The following NUP88 variants were observed in gnomAD, a reference collection of about 807,000 sequenced individuals.
The protein encoded by NUP88 is nuclear pore complex protein Nup88.
Under a neutral mutation model 93.9 loss-of-function variants are expected in NUP88, and 57 were observed. The ratio of observed to expected loss-of-function variants is 0.61; its 90% confidence interval spans 0.49 to 0.76. The LOEUF (loss-of-function observed/expected upper bound fraction) is 0.76. Ranked by LOEUF, NUP88 falls within the 30% of genes least tolerant of loss-of-function variation. The pLI, the probability that NUP88 is intolerant of heterozygous loss-of-function variation, is 0.00. For synonymous variants in NUP88, 346 were observed against 336.8 expected (o/e 1.03, Z -0.30); for missense variants, 911 against 901.0 (o/e 1.01, Z -0.14).
Position 5,387,669 on chromosome 17 carries a change from C to T in NUP88, c.1771G>A (p.Val591Ile), listed in dbSNP as rs774736593. ...TTTTTTTGGTCACATAATAATTTGACCCTTTAAAAACAAAAAGAAATAGAG... is the reference window on the plus strand; with the variant it reads ...TTTTTTTGGTCACATAATAATTTGATCCTTTAAAAACAAAAAGAAATAGAG... ...DLAKEEIQRR[V>I]KLLCDQKKKQ... is the part of the protein sequence containing the mutation. The change falls in exon 13 of 17, where the codon GTC (valine) becomes ATC (isoleucine). Residue 591 changes from valine to isoleucine, a missense_variant and splice_region_variant. By Grantham distance (29) the Val-to-Ile change is conservative (BLOSUM62 3). Coordinates refer to ENST00000573584, the MANE Select transcript of NUP88 (RefSeq NM_002532.6). The T allele has an allele frequency of 1.2e-5, 20 of 1,611,994 alleles. No individual in the cohort carries two copies. The highest frequency in any genetic ancestry group is 1.5e-5 in the Non-Finnish European group (18 of 1,179,108).
chr17:5,386,375 TAA>T lies in NUP88; in HGVS notation c.2163-108_2163-107del, dbSNP rs1433012462. On this transcript the variant is annotated intron_variant, in intron 16 of 16. Transcript: ENST00000573584. ...TTGAAACATCTAAGAACTGCTTTGCTAAAATTAACAGCTGAAGGTTTCAGGTG... is the reference window on the plus strand; with the variant it reads ...TTGAAACATCTAAGAACTGCTTTGCTAATTAACAGCTGAAGGTTTCAGGTG... 1.0e-5 allele frequency: 9 copies of T among 884,670 alleles called. No individual in the cohort carries two copies. In the East Asian group the frequency reaches 2.2e-4, roughly 22 times the overall value. The allele number at this position is 884,670 out of a possible 1,614,324, so 54.8% of individuals were successfully genotyped here.
rs201149605 is a variant in NUP88, at chr17:5,414,999, TTTAAA to T, written c.468-870_468-866del. On this transcript the variant is annotated intron_variant, in intron 2 of 16. Transcript: ENST00000573584. The stretch of plus-strand genomic sequence containing the variant: ...ATAAATAATTTATTTATTTTAATAA[TTTAAA>T]TTATTTATTTAAATTTTATTTGTTT... Among the ~76,000 whole-genome samples, 771 of 151,388 alleles carry T rather than the reference TTTAAA, an allele frequency of 5.1e-3. 10 individuals carry two copies. Among genetic ancestry groups the T allele is most frequent in the African/African-American group, 0.018 (728 of 41,314 alleles).
chr17:5,393,826 A>T (rs1912601645), intron 9 of NUP88, among the ~76,000 whole-genome samples: 1 of 152,122 alleles, frequency 6.6e-6, no homozygotes, highest in African/African-American at 2.4e-5. Flanking sequence ...TGCCAAACCT[A>T]GATTATGTCT....
intron 5 of NUP88, among the ~76,000 whole-genome samples, chr17:5,406,344 G>C (rs1913488408): frequency 6.6e-6 from 1 of 152,208 alleles, no homozygotes; most frequent in African/African-American, 2.4e-5. Flanking sequence ...AACTTATTTA[G>C]TATGATGGGA....
In NUP88 at chr17:5,387,630, C is replaced by A. The variant is rs777311211; in HGVS notation, c.1810G>T (p.Asp604Tyr). The A allele has an allele frequency of 6.2e-6, 10 of 1,613,122 alleles. No homozygotes were observed. The South Asian group carries it at 9.9e-5, about 16-fold the overall frequency. ...LCDQKKKQLE[D>Y]LSYCREERKS... ...CTCTCTTCTCGACAATAACTGAGATCTTCTAGTTGTTTCTTTTTTTGGTCA... is the reference window on the plus strand; with the variant it reads ...CTCTCTTCTCGACAATAACTGAGATATTCTAGTTGTTTCTTTTTTTGGTCA... The change falls in exon 13 of 17, where the codon GAT (aspartate) becomes TAT (tyrosine). Residue 604 changes from aspartate to tyrosine, a missense_variant. Asp to Tyr is a radical substitution (Grantham distance 160, BLOSUM62 -3). Transcript: ENST00000573584.
Position 5,410,694 on chromosome 17 carries a change from A to C in NUP88, c.680+9T>G. Reference sequence around the variant, plus strand: ...AAAAAACCATTTCAAGACTCAAATAAAAACTTACCCTTTATTGAGTACTAG... The same window carrying C: ...AAAAAACCATTTCAAGACTCAAATACAAACTTACCCTTTATTGAGTACTAG... On this transcript the variant is annotated intron_variant, in intron 4 of 16. Coordinates refer to ENST00000573584, the MANE Select transcript of NUP88 (RefSeq NM_002532.6). 1 of 1,535,966 alleles carries C rather than the reference A, an allele frequency of 6.5e-7. No homozygotes were observed. The highest frequency in any genetic ancestry group is 1.2e-5 in the South Asian group (1 of 85,508).
chr17:5,416,705 C>A, intron 1 of NUP88, 23 bp from the exon 2 acceptor site: 1 of 1,581,202 alleles, frequency 6.3e-7, no homozygotes, highest in South Asian at 1.2e-5. Context: ...GCAAACCAGT[C>A]AACATAGTTA....
chr17:5,408,894 T>C lies in NUP88; in HGVS notation c.696A>G (p.Ala232=). The change falls in exon 5 of 17, where the codon GCA becomes GCG. Residue 232 remains alanine, a synonymous_variant. Transcript: ENST00000573584. ...LVLNKGRAYT[A]SLGETAVAFD... ...ATGCAACTGCTGTCTCTCCTAGAGA[T>C]GCGGTATACGCCCTTCTGGAAAGAG... 1 of 1,610,146 alleles carries C rather than the reference T, an allele frequency of 6.2e-7. No individual in the cohort carries two copies.
At chr17:5,414,828 A>C (rs1287735182) in intron 2 of NUP88, among the ~76,000 whole-genome samples, 6 of 151,714 alleles carry the variant, frequency 4.0e-5, no homozygotes, top group South Asian at 2.1e-4. Flanking sequence ...GAGGCAGAAG[A>C]ATCGCTGGAA....
chr17:5,416,684 T>G lies in NUP88; in HGVS notation c.298-2A>C. On this transcript the variant is annotated splice_acceptor_variant, in intron 1 of 16. Transcript: ENST00000573584. LOFTEE classifies it high-confidence loss of function. ...GGGTGGATTTATGCAAAGCAATCTCTGAAAATTAGAGCAAACCAGTCAACA... is the reference window on the plus strand; with the variant it reads ...GGGTGGATTTATGCAAAGCAATCTCGGAAAATTAGAGCAAACCAGTCAACA... The G allele has an allele frequency of 6.2e-7, 1 of 1,601,438 alleles. No individual in the cohort carries two copies. The highest frequency in any genetic ancestry group is 8.5e-7 in the Non-Finnish European group (1 of 1,176,916).
At chr17:5,414,447 G>T (rs899082090) in intron 2 of NUP88, among the ~76,000 whole-genome samples, 1 of 151,768 alleles carries the variant, frequency 6.6e-6, no homozygotes, top group Admixed American at 6.6e-5. Flanking sequence ...TGCCCACCTC[G>T]GCCTCGCAAA....
chr17:5,406,033 T>G (rs182371966), intron 5 of NUP88, among the ~76,000 whole-genome samples: 3 of 152,228 alleles, frequency 2.0e-5, no homozygotes, highest in Non-Finnish European at 4.4e-5. Context: ...CATATTAAAT[T>G]TGATTTGACA....
chr17:5,418,827 C>T (rs1914377048), intron 1 of NUP88, among the ~76,000 whole-genome samples: 1 of 152,222 alleles, frequency 6.6e-6, no homozygotes, highest in Non-Finnish European at 1.5e-5. Context: ...CACCCATTTT[C>T]ACATGCTGTC....
At chr17:5,396,071 C>T (rs575342590) in intron 8 of NUP88, among the ~76,000 whole-genome samples, 84 of 151,940 alleles carry the variant, frequency 5.5e-4, no homozygotes, top group African/African-American at 1.9e-3. Context: ...ATTAGCTGGA[C>T]GTGGTGGTGG....
At chr17:5,388,075 A>T in intron 11 of NUP88, 171 bp from the exon 12 acceptor site, 1 of 528,386 alleles carries the variant, frequency 1.9e-6, no homozygotes, top group Non-Finnish European at 3.1e-6. Flanking sequence ...ATCTCGGCTC[A>T]CTGCAACCTC....
intron 2 of NUP88, among the ~76,000 whole-genome samples, chr17:5,416,083 T>C (rs1291429045): frequency 7.4e-6 from 1 of 134,272 alleles, no homozygotes; most frequent in Non-Finnish European, 1.6e-5. Flanking sequence ...AGGCGGAGCT[T>C]GCAGTGAGCC....
rs779782125 is a variant in NUP88, at chr17:5,386,162, C to CT, written c.*43dup. ...CCTGTTTTACAATATGGGTTTAAGC[C>CT]TTCAATGGTGTTCAGTTCAGGTGTG... On this transcript the variant is annotated 3_prime_UTR_variant, in exon 17 of 17. Transcript: ENST00000573584. 1.7e-5 allele frequency: 25 copies of CT among 1,477,128 alleles called. No homozygotes were observed. In the African/African-American group the frequency reaches 2.9e-4, roughly 17 times the overall value. 91.5% of individuals were successfully genotyped at this position (1,477,128 alleles called of 1,614,324 possible).
At chr17:5,398,691 C>T (rs1366059241) in intron 8 of NUP88, among the ~76,000 whole-genome samples, 2 of 151,650 alleles carry the variant, frequency 1.3e-5, no homozygotes, top group Non-Finnish European at 2.9e-5. Flanking sequence ...CTGGTTCAAG[C>T]GACTCTCCTA....
intron 11 of NUP88, chr17:5,388,478 T>C (rs903929003): frequency 1.6e-5 from 3 of 184,064 alleles, no homozygotes; most frequent in Non-Finnish European, 3.4e-5. Flanking sequence ...TTAGTAGAGA[T>C]GGGGTTTTGC....
Sources: allele counts gnomAD v4.1 joint callset (sites outside exome capture counted in the v4.1 genomes callset), GRCh38; gene constraint gnomAD v4.1.1; transcripts MANE v1.5; gene names NCBI Gene and HGNC (gene_info 2026-07-23, HGNC 2026-07-21).